Variants in ANXA13 observed in about 807,000 individuals in gnomAD.
The protein encoded by ANXA13 is annexin XIII.
A neutral mutation model predicts 46.6 loss-of-function variants in ANXA13; 36 were observed. That is an observed-to-expected ratio of 0.77 (90% CI 0.59 to 1.02). The LOEUF (loss-of-function observed/expected upper bound fraction) is 1.02. Ranked by LOEUF, ANXA13 falls within the 50% of genes least tolerant of loss-of-function variation. ANXA13 has a pLI of 0.00. For missense variants in ANXA13, 417 were observed against 396.5 expected (o/e 1.05, Z -0.44); for synonymous variants, 163 against 152.9 (o/e 1.07, Z -0.49).
chr8:123,721,733 CA>C (rs1813875748), intron 1 of ANXA13, among the ~76,000 whole-genome samples: 1 of 152,174 alleles, frequency 6.6e-6, no homozygotes. Context: ...GAGGAAAACT[CA>C]AAATTGAGAA....
intron 1 of ANXA13, among the ~76,000 whole-genome samples, chr8:123,719,961 G>T (rs541451988): frequency 6.6e-6 from 1 of 152,282 alleles, no homozygotes; most frequent in East Asian, 1.9e-4. Flanking sequence ...GCTGGATTAC[G>T]GTAAGCACTC....
rs3054145 is a variant in ANXA13 at position 123,711,619 on chromosome 8, C to CTT, written c.91+1057_91+1058dup. 3.9e-3 allele frequency: 553 copies of CTT among 142,926 alleles called. 12 individuals are homozygous for CTT. Among genetic ancestry groups the CTT allele is most frequent in the Admixed American group, 0.029 (414 of 14,182 alleles). 8.9% of individuals were successfully genotyped at this position (142,926 alleles called of 1,614,324 possible). The stretch of plus-strand genomic sequence containing the variant: ...TACTCACTTGATTTAGTTCTTTTTT[C>CTT]TTTTTTTTTTTTTGAGATGGAGTCT... On this transcript the variant is annotated intron_variant, in intron 2 of 10. Coordinates refer to ENST00000419625, the MANE Select transcript of ANXA13 (RefSeq NM_004306.4).
Position 123,735,784 on chromosome 8 carries a change from G to A in ANXA13, c.15+1536C>T, listed in dbSNP as rs1358825043. 9.9e-6 allele frequency: 16 copies of A among 1,612,164 alleles called. No homozygotes were observed. The highest frequency in any genetic ancestry group is 4.5e-5 in the East Asian group (2 of 44,836). ...TGTGGGGCCTCTGGCTCTCCATTCCGTGATGGGTGGCTGAGAGGCTGCACG... is the reference window on the plus strand; with the variant it reads ...TGTGGGGCCTCTGGCTCTCCATTCCATGATGGGTGGCTGAGAGGCTGCACG... On this transcript the variant is annotated intron_variant, in intron 1 of 10. Transcript: ENST00000419625.
intron 1 of ANXA13, among the ~76,000 whole-genome samples, chr8:123,719,840 C>A (rs935900678): frequency 2.0e-5 from 3 of 152,194 alleles, no homozygotes. Context: ...CTTGGGCAAG[C>A]TGATTCACGT....
chr8:123,713,927 C>T (rs556697938), intron 1 of ANXA13, among the ~76,000 whole-genome samples: 1 of 152,186 alleles, frequency 6.6e-6, no homozygotes, highest in Non-Finnish European at 1.5e-5. Context: ...CTCCTGAGCT[C>T]AGGCAATCTG....
At chr8:123,694,615 G>T (rs1813297384) in intron 6 of ANXA13, among the ~76,000 whole-genome samples, 1 of 152,136 alleles carries the variant, frequency 6.6e-6, no homozygotes, top group Non-Finnish European at 1.5e-5. Flanking sequence ...CAATTAATGA[G>T]CTTGGAAGAA....
chr8:123,697,752 C>G (rs1206763220), intron 4 of ANXA13, among the ~76,000 whole-genome samples: 1 of 152,194 alleles, frequency 6.6e-6, no homozygotes, highest in African/African-American at 2.4e-5. Context: ...TATTTGTGGA[C>G]CCTCTTGACT....
chr8:123,700,022 A>C (rs1813413530), intron 3 of ANXA13, among the ~76,000 whole-genome samples: 1 of 152,164 alleles, frequency 6.6e-6, no homozygotes, highest in Non-Finnish European at 1.5e-5. Flanking sequence ...CACATCAACT[A>C]TTTTTCAAAT....
intron 9 of ANXA13, among the ~76,000 whole-genome samples, chr8:123,687,932 C>G (rs1813169721): frequency 6.6e-6 from 1 of 152,238 alleles, no homozygotes; most frequent in Admixed American, 6.5e-5. Flanking sequence ...TTGGCACAAT[C>G]AGGATCTGAT....
At position 123,684,665 on chromosome 8, in the gene ANXA13, T is replaced by C; in HGVS notation, c.776A>G (p.Lys259Arg). 6.2e-7 allele frequency: 1 copy of C among 1,614,180 alleles called. No homozygotes were observed. The highest frequency in any genetic ancestry group is 8.5e-7 in the Non-Finnish European group (1 of 1,179,996). Reference protein sequence around the residue: ...YFAERLYKSMKGAGTDEETLI... With the variant: ...YFAERLYKSMRGAGTDEETLI... ...CGTCTCCTCATCGGTCCCCGCACCC[T>C]TCATCGACTTGTACAGACGTTCAGC... is the stretch of plus-strand genomic sequence containing the variant. Residue 259 changes from lysine to arginine, a missense_variant, in exon 10 of 11, where the codon AAG (lysine) becomes AGG (arginine). Transcript: ENST00000419625.
In ANXA13 at chr8:123,702,630, C is replaced by A. The variant is rs780720050; in HGVS notation, c.186+12G>T. 2 of 1,612,472 alleles carry A rather than the reference C, an allele frequency of 1.2e-6. No homozygotes were observed. The highest frequency in any genetic ancestry group is 3.3e-5 in the Admixed American group (2 of 60,004). On this transcript the variant is annotated intron_variant, in intron 3 of 10. Coordinates refer to ENST00000419625, the MANE Select transcript of ANXA13 (RefSeq NM_004306.4). Reference sequence around the variant, plus strand: ...GGCTGGGTGCAAGCTTGCTGACCACCCCTGGAATCACCTTGCCGTACGTTG... The same window carrying A: ...GGCTGGGTGCAAGCTTGCTGACCACACCTGGAATCACCTTGCCGTACGTTG...
At chr8:123,726,973 T>C (rs930853893) in intron 1 of ANXA13, among the ~76,000 whole-genome samples, 1 of 152,186 alleles carries the variant, frequency 6.6e-6, no homozygotes, top group African/African-American at 2.4e-5. Context: ...AAACATCATA[T>C]GTTCTCACTC....
chr8:123,683,424 CTTT>C (rs35546652), intron 10 of ANXA13, among the ~76,000 whole-genome samples: 1 of 114,548 alleles, frequency 8.7e-6, no homozygotes, highest in Non-Finnish European at 1.7e-5. Context: ...CATTTAACCA[CTTT>C]TTTTTTTTTT....
chr8:123,693,081 T>G, intron 8 of ANXA13, 116 bp downstream of exon 8: 40 of 873,624 alleles, frequency 4.6e-5, no homozygotes, highest in Non-Finnish European at 6.4e-5. Flanking sequence ...CGCCTCCAAT[T>G]GAGAACCACT....
intron 2 of ANXA13, among the ~76,000 whole-genome samples, chr8:123,707,124 T>C (rs1266316511): frequency 6.6e-6 from 1 of 152,228 alleles, no homozygotes; most frequent in Non-Finnish European, 1.5e-5. Context: ...AGGCTGTCAG[T>C]ATTTATCAGA....
intron 4 of ANXA13, 112 bp from the exon 5 acceptor site, chr8:123,695,833 T>C (rs1813321213): frequency 4.3e-6 from 4 of 932,368 alleles, no homozygotes; most frequent in Middle Eastern, 6.7e-4. Flanking sequence ...CCTTCAAGAC[T>C]TCCTCTTAAG....
At chr8:123,717,792 C>G (rs1217772623) in intron 1 of ANXA13, among the ~76,000 whole-genome samples, 2 of 152,196 alleles carry the variant, frequency 1.3e-5, no homozygotes. Context: ...TCTGACGGGG[C>G]GTGTCTCAGC....
chr8:123,684,146 A>G (rs2129815925), intron 10 of ANXA13, among the ~76,000 whole-genome samples: 1 of 152,340 alleles, frequency 6.6e-6, no homozygotes, highest in South Asian at 2.1e-4. Flanking sequence ...GAACAGCAAT[A>G]GTTTTTAAAA....
chr8:123,687,655 CAA>C (rs1036381189), intron 9 of ANXA13, among the ~76,000 whole-genome samples: 3 of 152,148 alleles, frequency 2.0e-5, no homozygotes, highest in Non-Finnish European at 2.9e-5. Context: ...AGAAACCAAA[CAA>C]AAGAGTTTGG....
Sources: allele counts gnomAD v4.1 joint callset (sites outside exome capture counted in the v4.1 genomes callset), GRCh38; gene constraint gnomAD v4.1.1; transcripts MANE v1.5; gene names NCBI Gene and HGNC (gene_info 2026-07-23, HGNC 2026-07-21).